VTI1A: variants seen among roughly 807,000 people sequenced by gnomAD.
The protein encoded by VTI1A is vesicle transport through interaction with t-SNAREs 1A.
In VTI1A, 22 loss-of-function variants were observed where a neutral mutation model predicts 34.9. The ratio of observed to expected loss-of-function variants is 0.63; its 90% confidence interval spans 0.45 to 0.90. The LOEUF is 0.90. VTI1A is among the 40% of genes least tolerant of loss of function. VTI1A has a pLI of 0.00. For missense variants in VTI1A, 268 were observed against 275.6 expected, an observed-to-expected ratio of 0.97 and a Z score of 0.20; for synonymous variants, 87 against 97.3, an observed-to-expected ratio of 0.89 and a Z score of 0.62.
At chr10:112,476,868 A>T (rs1318013955) in intron 3 of VTI1A, among the ~76,000 whole-genome samples, 1 of 152,126 alleles carries the variant, frequency 6.6e-6, no homozygotes, top group East Asian at 1.9e-4. Context: ...CATTTGTGAG[A>T]TGTGGAACAA....
intron 3 of VTI1A, among the ~76,000 whole-genome samples, chr10:112,467,521 G>T (rs1219033494): frequency 6.6e-6 from 1 of 152,136 alleles, no homozygotes; most frequent in African/African-American, 2.4e-5. Flanking sequence ...ATTAATTTGT[G>T]TTGGGCTGCA....
At chr10:112,549,270 A>G (rs1301378940) in intron 5 of VTI1A, among the ~76,000 whole-genome samples, 1 of 152,200 alleles carries the variant, frequency 6.6e-6, no homozygotes, top group African/African-American at 2.4e-5. Context: ...AGTAAATGTT[A>G]TATTTCACTT....
intron 7 of VTI1A, among the ~76,000 whole-genome samples, chr10:112,726,837 A>G (rs1850047040): frequency 6.6e-6 from 1 of 152,166 alleles, no homozygotes; most frequent in African/African-American, 2.4e-5. Context: ...AGTCTGAACA[A>G]GAAGGCATAT....
rs1439080534 is a variant in VTI1A at position 112,625,645 on chromosome 10, A to G, written c.428-42573A>G. Among the ~76,000 whole-genome samples the G allele has an allele frequency of 1.3e-5, 2 of 150,686 alleles. 1 individual carries two copies. The highest frequency in any genetic ancestry group is 3.0e-5 in the Non-Finnish European group (2 of 67,616). ...ACAAGAGTGAAACTCTGTCTCAAAAAAAAAAAAGGAAAACCAAACATCATA... is the reference window on the plus strand; with the variant it reads ...ACAAGAGTGAAACTCTGTCTCAAAAGAAAAAAAGGAAAACCAAACATCATA... On this transcript the variant is annotated intron_variant, in intron 5 of 7. Transcript: ENST00000393077.
intron 1 of VTI1A, among the ~76,000 whole-genome samples, chr10:112,451,370 A>G (rs769164833): frequency 3.3e-5 from 5 of 152,234 alleles, no homozygotes; most frequent in Admixed American, 6.5e-5. Flanking sequence ...GCTGCTGAAG[A>G]CAACAGTTGG....
At chr10:112,621,061 GTTC>G (rs963112337) in intron 5 of VTI1A, among the ~76,000 whole-genome samples, 1 of 152,188 alleles carries the variant, frequency 6.6e-6, no homozygotes, top group African/African-American at 2.4e-5. Flanking sequence ...AAAATTGCCT[GTTC>G]TTTTCCATCT....
chr10:112,663,489 A>G (rs1367233104), intron 5 of VTI1A, among the ~76,000 whole-genome samples: 1 of 152,214 alleles, frequency 6.6e-6, no homozygotes, highest in Non-Finnish European at 1.5e-5. Flanking sequence ...ATCTTTCTAC[A>G]TCGTAACTGG....
At chr10:112,496,187 C>G (rs1186388131) in intron 3 of VTI1A, among the ~76,000 whole-genome samples, 1 of 13,850 alleles carries the variant, frequency 7.2e-5, no homozygotes, top group Non-Finnish European at 1.8e-4. Flanking sequence ...ATGGGGAGAC[C>G]CCCCCCCCCC....
intron 7 of VTI1A, among the ~76,000 whole-genome samples, chr10:112,764,856 A>G (rs758893707): frequency 5.9e-5 from 9 of 152,320 alleles, no homozygotes; most frequent in Non-Finnish European, 8.8e-5. Flanking sequence ...AGAGTTAACC[A>G]TGTTATAATT....
intron 5 of VTI1A, among the ~76,000 whole-genome samples, chr10:112,616,782 G>T (rs920997684): frequency 6.6e-6 from 1 of 152,102 alleles, no homozygotes; most frequent in Non-Finnish European, 1.5e-5. Context: ...CTGGAGGAAT[G>T]GATTTAAAAG....
chr10:112,461,128 G>A (rs1003783829), intron 2 of VTI1A, among the ~76,000 whole-genome samples: 1 of 152,192 alleles, frequency 6.6e-6, no homozygotes, highest in Non-Finnish European at 1.5e-5. Flanking sequence ...CAGGCTGGTT[G>A]CATCAGTTCC....
chr10:112,478,824 C>T (rs1384191697), intron 3 of VTI1A, among the ~76,000 whole-genome samples: 4 of 151,896 alleles, frequency 2.6e-5, no homozygotes, highest in Non-Finnish European at 5.9e-5. Context: ...TTTGGATTTC[C>T]TTCCCATTTC....
intron 1 of VTI1A, among the ~76,000 whole-genome samples, chr10:112,458,720 G>A (rs992310937): frequency 3.3e-5 from 5 of 151,470 alleles, no homozygotes; most frequent in Non-Finnish European, 5.9e-5. Flanking sequence ...AGGCTGGAAC[G>A]CAATGGTGCG....
Position 112,524,699 on chromosome 10 carries a change from T to G in VTI1A, c.265-2388T>G, listed in dbSNP as rs143907096. Among the ~76,000 whole-genome samples the G allele has an allele frequency of 2.8e-3, 420 of 152,282 alleles. 1 individual carries two copies. Among genetic ancestry groups the G allele is most frequent in the African/African-American group, 9.7e-3 (402 of 41,558 alleles). On this transcript the variant is annotated intron_variant, in intron 3 of 7. Transcript: ENST00000393077. The stretch of plus-strand genomic sequence containing the variant: ...ATAGTAAATCAAAATAAGAGTATAA[T>G]GTAATTGAACAATCTATGCCAATTT...
chr10:112,562,632 CG>C (rs1217337068), intron 5 of VTI1A, among the ~76,000 whole-genome samples: 1 of 151,810 alleles, frequency 6.6e-6, no homozygotes, highest in Non-Finnish European at 1.5e-5. Context: ...TCATGGCAAT[CG>C]CATGTTGTGG....
chr10:112,491,955 G>A (rs1589825498), intron 3 of VTI1A, among the ~76,000 whole-genome samples: 1 of 152,154 alleles, frequency 6.6e-6, no homozygotes, highest in African/African-American at 2.4e-5. Flanking sequence ...CAGAGCTTTA[G>A]AAACTACTGA....
At chr10:112,675,725 T>C (rs1399458354) in intron 7 of VTI1A, among the ~76,000 whole-genome samples, 1 of 152,250 alleles carries the variant, frequency 6.6e-6, no homozygotes, top group Non-Finnish European at 1.5e-5. Flanking sequence ...ATCTGAGTCT[T>C]ATCCTTGCTG....
At chr10:112,643,770 G>T (rs919372628) in intron 5 of VTI1A, among the ~76,000 whole-genome samples, 3 of 152,140 alleles carry the variant, frequency 2.0e-5, no homozygotes, top group African/African-American at 7.2e-5. Flanking sequence ...TCCTAAAGTT[G>T]CATAACTAGC....
chr10:112,568,289 C>G (rs1202847770), intron 5 of VTI1A, among the ~76,000 whole-genome samples: 3 of 152,072 alleles, frequency 2.0e-5, no homozygotes, highest in Non-Finnish European at 2.9e-5. Flanking sequence ...GGCAGATCAT[C>G]TGAGGTCAGG....
Sources: gnomAD v4.1 joint callset for allele counts (sites outside exome capture counted in the v4.1 genomes callset) on GRCh38, gnomAD v4.1.1 for gene constraint, MANE v1.5 for transcripts, NCBI Gene and HGNC (gene_info 2026-07-23, HGNC 2026-07-21) for gene names.